The following TSPAN9 variants were observed in gnomAD, a reference collection of about 807,000 sequenced individuals.
TSPAN9 encodes tetraspanin 9, also known as tetraspanin-9.
TSPAN9 carries 16 observed loss-of-function variants against 31.0 expected under a neutral mutation model. The observed-to-expected ratio is 0.52, with a 90% CI of 0.35 to 0.78. The LOEUF (loss-of-function observed/expected upper bound fraction) is 0.78, where lower values mean the gene tolerates loss of function less well. TSPAN9 is among the 30% of genes least tolerant of loss of function. The pLI is 0.01. For missense variants in TSPAN9, 272 were observed against 312.5 expected (o/e 0.87, Z 0.98); for synonymous variants, 145 against 121.6 (o/e 1.19, Z -1.27).
intron 2 of TSPAN9, among the ~76,000 whole-genome samples, chr12:3,174,777 T>C (rs540923676): frequency 4.1e-5 from 6 of 146,498 alleles, no homozygotes; most frequent in Non-Finnish European, 6.1e-5. Flanking sequence ...AGAGACGGGG[T>C]TTCACCGTGT....
chr12:3,273,104 C>T (rs1484721097), intron 3 of TSPAN9: 1 of 152,232 alleles, frequency 6.6e-6, no homozygotes. Flanking sequence ...TGCACCCTTT[C>T]CCTCCTCCGG....
In TSPAN9 at chr12:3,107,863, C is replaced by G. The variant is rs548792858; in HGVS notation, c.-18+24144C>G. ...TGAGTTTCAAATGTCAACTGGGACT[C>G]TTGTCTCTGTCCAGGCCCCCAAGCC... On this transcript the variant is annotated intron_variant, in intron 2 of 8. Coordinates refer to ENST00000011898, the MANE Select transcript of TSPAN9 (RefSeq NM_006675.5). The surrounding 1 kb of genome is among the most constrained non-coding windows in gnomAD (Gnocchi z 4.1). 6.6e-6 allele frequency among the ~76,000 whole-genome samples: 1 copy of G among 152,310 alleles called. No homozygotes were observed. The highest frequency in any genetic ancestry group is 2.4e-5 in the African/African-American group (1 of 41,576).
At chr12:3,125,221 TTTTATG>T (rs1292098863) in intron 2 of TSPAN9, among the ~76,000 whole-genome samples, 1 of 152,196 alleles carries the variant, frequency 6.6e-6, no homozygotes, top group African/African-American at 2.4e-5. Flanking sequence ...ATTTTTTTTT[TTTTATG>T]TTATGTACTT....
In TSPAN9 at chr12:3,121,533, C is replaced by CGTTTT. The variant is rs1426241959; in HGVS notation, c.-18+37814_-18+37815insGTTTT. 1.3e-4 allele frequency among the ~76,000 whole-genome samples: 12 copies of CGTTTT among 92,926 alleles called. 2 individuals carry two copies. Among genetic ancestry groups the CGTTTT allele is most frequent in the Non-Finnish European group, 1.6e-4 (8 of 50,784 alleles). The allele number at this position is 92,926 out of a possible 152,430, so 61.0% of individuals were successfully genotyped here. A position where few individuals can be genotyped will look rare whatever the true frequency, so the allele number is the denominator to read the frequency against. On this transcript the variant is annotated intron_variant, in intron 2 of 8. Transcript: ENST00000011898. ...TGCCACCATATCTGGCTAATTAAAA[C>CGTTTT]TTTTTTTTTTTTTTTTTTTTTTTTT...
At chr12:3,109,144 G>A (rs530392869) in intron 2 of TSPAN9, among the ~76,000 whole-genome samples, 2 of 151,924 alleles carry the variant, frequency 1.3e-5, no homozygotes, top group African/African-American at 4.8e-5. Flanking sequence ...CACCGTGTTA[G>A]CCAGGATGGT....
chr12:3,261,044 G>A (rs1040861582), intron 3 of TSPAN9, among the ~76,000 whole-genome samples: 4 of 152,180 alleles, frequency 2.6e-5, no homozygotes, highest in Non-Finnish European at 5.9e-5. Context: ...GTGACAGAGA[G>A]GAGGTGGGGT....
chr12:3,243,892 C>G (rs946036987), intron 3 of TSPAN9, among the ~76,000 whole-genome samples: 2 of 152,210 alleles, frequency 1.3e-5, no homozygotes, highest in East Asian at 1.9e-4. Context: ...TGTACTACCC[C>G]CTGCAGTCAT....
At chr12:3,158,527 G>T (rs1411980011) in intron 2 of TSPAN9, among the ~76,000 whole-genome samples, 2 of 152,066 alleles carry the variant, frequency 1.3e-5, no homozygotes, top group African/African-American at 4.8e-5. Context: ...TTCGAGACCA[G>T]CCTGGCCAGC....
In TSPAN9 at chr12:3,278,974, T is replaced by C. The variant is rs751167617; in HGVS notation, c.256-18T>C. The stretch of plus-strand genomic sequence containing the variant: ...CTGCCCATTACCACCTACCCATGCC[T>C]GGCCCTTTCCTTTCCAGTTTTTCAT... On this transcript the variant is annotated intron_variant, in intron 4 of 8. Transcript: ENST00000011898. 7 of 1,613,852 alleles carry C rather than the reference T, an allele frequency of 4.3e-6. No individual in the cohort carries two copies. In the South Asian group the frequency reaches 7.7e-5, roughly 18 times the overall value.
intron 2 of TSPAN9, among the ~76,000 whole-genome samples, chr12:3,188,668 C>T (rs991961880): frequency 6.6e-6 from 1 of 152,174 alleles, no homozygotes; most frequent in Non-Finnish European, 1.5e-5. Flanking sequence ...CGTGCAGCCA[C>T]CTGGACACAT....
In TSPAN9 at chr12:3,155,604, A is replaced by T. The variant is rs979184912; in HGVS notation, c.-17-45573A>T. Reference sequence around the variant, plus strand: ...GCAAGACCCTGTCTCTTTAAAAAAAAAAAAATAAAGAGGGAGCGAGAGCAA... The same window carrying T: ...GCAAGACCCTGTCTCTTTAAAAAAATAAAAATAAAGAGGGAGCGAGAGCAA... On this transcript the variant is annotated intron_variant, in intron 2 of 8. Coordinates refer to ENST00000011898, the MANE Select transcript of TSPAN9 (RefSeq NM_006675.5). Among the ~76,000 whole-genome samples, 9 of 151,680 alleles carry T rather than the reference A, an allele frequency of 5.9e-5. 1 individual carries two copies. The highest frequency in any genetic ancestry group is 1.2e-4 in the Non-Finnish European group (8 of 67,838).
intron 3 of TSPAN9, among the ~76,000 whole-genome samples, chr12:3,274,809 C>T (rs1226887788): frequency 1.3e-5 from 2 of 152,262 alleles, no homozygotes; most frequent in Non-Finnish European, 2.9e-5. Flanking sequence ...ATGTGCGTGG[C>T]ACCCGCTGTA....
chr12:3,262,477 T>A (rs1003594322), intron 3 of TSPAN9, among the ~76,000 whole-genome samples: 1 of 152,184 alleles, frequency 6.6e-6, no homozygotes, highest in East Asian at 1.9e-4. Flanking sequence ...TTTCAATATA[T>A]TTCTGTTCTG....
At chr12:3,101,065 C>G (rs543858535) in intron 2 of TSPAN9, among the ~76,000 whole-genome samples, 2 of 152,146 alleles carry the variant, frequency 1.3e-5, no homozygotes, top group Admixed American at 6.5e-5. Context: ...ATTGGCAAGT[C>G]TGAAGTCATC....
Position 3,106,665 on chromosome 12 carries a change from G to T in TSPAN9, c.-18+22946G>T, listed in dbSNP as rs2098314848. Among the ~76,000 whole-genome samples, 5 of 152,280 alleles carry T rather than the reference G, an allele frequency of 3.3e-5. No homozygotes were observed. In the South Asian group the frequency reaches 1.0e-3, roughly 32 times the overall value. On this transcript the variant is annotated intron_variant, in intron 2 of 8. Transcript: ENST00000011898. ...ATGTGCCTGTAGTCACAGCTGCTTG[G>T]GAGGTTGAGGTGGGGGGATCACCTG...
At chr12:3,212,804 A>G (rs1032654644) in intron 3 of TSPAN9, among the ~76,000 whole-genome samples, 12 of 152,092 alleles carry the variant, frequency 7.9e-5, no homozygotes, top group Non-Finnish European at 2.9e-5. Context: ...CATGTCCCGC[A>G]CCTGCCATCT....
At chr12:3,203,522 C>G (rs1274407474) in intron 3 of TSPAN9, among the ~76,000 whole-genome samples, 4 of 152,176 alleles carry the variant, frequency 2.6e-5, no homozygotes, top group Non-Finnish European at 5.9e-5. Context: ...ATTTTCGTTA[C>G]GGTTGATAGC....
Position 3,105,053 on chromosome 12 carries a change from A to C in TSPAN9, c.-18+21334A>C, listed in dbSNP as rs573033204. On this transcript the variant is annotated intron_variant, in intron 2 of 8. Transcript: ENST00000011898. ...AACTCACTTGTGTGGTAGGAGGAAA[A>C]GCAAATTGTTTCCAGATGAGGGGAG... is the stretch of plus-strand genomic sequence containing the variant. 2.6e-4 allele frequency among the ~76,000 whole-genome samples: 40 copies of C among 152,292 alleles called. 1 individual carries two copies. In the South Asian group the frequency reaches 5.6e-3, roughly 21 times the overall value.
chr12:3,275,348 G>A (rs117270424), intron 3 of TSPAN9, among the ~76,000 whole-genome samples: 5 of 152,278 alleles, frequency 3.3e-5, no homozygotes, highest in East Asian at 1.9e-4. Context: ...GGGGTCCTGC[G>A]TGTCTCCAGC....
Sources: allele counts gnomAD v4.1 joint callset (sites outside exome capture counted in the v4.1 genomes callset), GRCh38; gene constraint gnomAD v4.1.1; non-coding constraint Gnocchi (gnomAD v3.1); transcripts MANE v1.5; gene names NCBI Gene and HGNC (gene_info 2026-07-23, HGNC 2026-07-21).